Variants in IL17REL observed in about 807,000 individuals in gnomAD.
The protein encoded by IL17REL is interleukin-17 receptor E-like protein.
A neutral mutation model predicts 49.0 loss-of-function variants in IL17REL; 36 were observed. That is an observed-to-expected ratio of 0.73 (90% CI 0.56 to 0.97). The LOEUF (loss-of-function observed/expected upper bound fraction) is 0.97. IL17REL is among the 50% of genes least tolerant of loss of function. The pLI is 0.00. For missense variants in IL17REL, 470 were observed against 453.9 expected (o/e 1.04, Z -0.32); for synonymous variants, 206 against 192.4 (o/e 1.07, Z -0.58).
At chr22:50,001,110 C>T (rs1443206728) in exon 2 of IL17REL, 2 of 1,599,294 alleles carry the variant, frequency 1.3e-6, no homozygotes, top group Non-Finnish European at 1.7e-6. Context: ...CGCGTACACG[C>T]AGGAGCATCG....
chr22:50,004,636 A>AG (rs1259721907), intron 1 of IL17REL, among the ~76,000 whole-genome samples: 34 of 151,390 alleles, frequency 2.2e-4, no homozygotes, highest in East Asian at 1.8e-3. Flanking sequence ...CGAGGAGGGC[A>AG]GATCACCAGA....
In IL17REL at chr22:49,999,798, C is replaced by T. The variant is rs544411243; in HGVS notation, c.474+30G>A. On this transcript the variant is annotated intron_variant, in intron 5 of 12. Transcript: ENST00000341280. ...GCGCGGAGGTGGGCGGGGCCTAAGG[C>T]TGACCGGGGCCCGGGGCGCGGGCGC... 10 of 1,472,630 alleles carry T rather than the reference C, an allele frequency of 6.8e-6. No individual in the cohort carries two copies. The East Asian group carries it at 2.9e-4, about 42-fold the overall frequency. 91.2% of individuals were successfully genotyped at this position (1,472,630 alleles called of 1,614,324 possible). A position where few individuals can be genotyped will look rare whatever the true frequency, so the allele number is the denominator to read the frequency against.
chr22:50,001,570 T>G (rs1275769058), intron 1 of IL17REL, among the ~76,000 whole-genome samples: 2 of 152,216 alleles, frequency 1.3e-5, no homozygotes, highest in African/African-American at 4.8e-5. Context: ...CTGTCGACTC[T>G]GCTCAAAGAC....
rs1163523756 is a variant in IL17REL at position 49,997,800 on chromosome 22, A to ACAGGGG, written c.820-64_820-59dup. On this transcript the variant is annotated intron_variant, in intron 9 of 12. Transcript: ENST00000341280. ...GAGTGTGTGTGAGGCAGGGGCAGGG[A>ACAGGGG]CAGGGGCAGGGACAGGGACAGGCTG... is the stretch of plus-strand genomic sequence containing the variant. 4.8e-5 allele frequency: 74 copies of ACAGGGG among 1,557,878 alleles called. 1 individual carries two copies. In the South Asian group the frequency reaches 7.4e-4, roughly 15 times the overall value.
chr22:49,998,455 C>T lies in IL17REL; in HGVS notation c.602-146G>A, dbSNP rs115244935. ...CTGAGCCCTGGCTCAAGGCTGTGCA[C>T]GTGTGTGCATGGGTGCATGTGCATG... is the stretch of plus-strand genomic sequence containing the variant. On this transcript the variant is annotated intron_variant, in intron 7 of 12. Coordinates refer to ENST00000341280, the Ensembl canonical transcript of IL17REL. 34 of 755,616 alleles carry T rather than the reference C, an allele frequency of 4.5e-5. No homozygotes were observed. The East Asian group carries it at 7.7e-4, about 17-fold the overall frequency. 46.8% of individuals were successfully genotyped at this position (755,616 alleles called of 1,614,324 possible).
At chr22:49,991,902 C>T (rs535257973), downstream of IL17REL, among the ~76,000 whole-genome samples, 44 of 152,088 alleles carry the variant, frequency 2.9e-4, no homozygotes, top group South Asian at 6.2e-4. Context: ...TGAGGTGGTC[C>T]GGGCACAGCT....
rs747592209 is a variant in IL17REL at position 49,997,272 on chromosome 22, G to C, written c.974+48C>G. ...CACAGGGAAGTGATGGGGTCCTGCCGCCACCACCCCCACCTCCCCAGGATG... is the reference window on the plus strand; with the variant it reads ...CACAGGGAAGTGATGGGGTCCTGCCCCCACCACCCCCACCTCCCCAGGATG... On this transcript the variant is annotated intron_variant, in intron 11 of 12. Coordinates refer to ENST00000341280, the Ensembl canonical transcript of IL17REL. 1.9e-6 allele frequency: 3 copies of C among 1,569,924 alleles called. No homozygotes were observed. In the African/African-American group the frequency reaches 4.1e-5, roughly 21 times the overall value.
intron 9 of IL17REL, 52 bp from the exon 12 acceptor site, chr22:49,997,794 G>GCAGGGA (rs765132130): frequency 2.6e-6 from 4 of 1,565,424 alleles, no homozygotes; most frequent in Non-Finnish European, 3.5e-6. Flanking sequence ...TGAGGCAGGG[G>GCAGGGA]CAGGGACAGG....
intron 7 of IL17REL, among the ~76,000 whole-genome samples, chr22:49,998,849 A>G (rs1433780993): frequency 6.8e-6 from 1 of 146,828 alleles, no homozygotes; most frequent in African/African-American, 2.5e-5. Context: ...ATGTGTGTGC[A>G]TGTGTATGGG....
At chr22:50,003,013 G>A (rs1460413738) in intron 1 of IL17REL, among the ~76,000 whole-genome samples, 1 of 152,224 alleles carries the variant, frequency 6.6e-6, no homozygotes, top group Non-Finnish European at 1.5e-5. Flanking sequence ...AGTGTTCTCA[G>A]GCAGTGGTGG....
chr22:50,005,626 AC>A (rs2061105396), intron 1 of IL17REL, among the ~76,000 whole-genome samples: 1 of 151,892 alleles, frequency 6.6e-6, no homozygotes, highest in South Asian at 2.1e-4. Flanking sequence ...ACATGGTGAA[AC>A]CCCGTCTCTG....
chr22:50,011,641 C>G (rs1453431362), upstream of IL17REL, among the ~76,000 whole-genome samples: 1 of 152,116 alleles, frequency 6.6e-6, no homozygotes, highest in Non-Finnish European at 1.5e-5. Context: ...CCCCTCCCAC[C>G]TGAACCCGCC....
intron 2 of IL17REL, 55 bp from the exon 4 acceptor site, chr22:50,000,918 C>T (rs537426227): frequency 4.1e-5 from 56 of 1,381,830 alleles, no homozygotes; most frequent in African/African-American, 2.0e-4. Context: ...CCCCTGGCTC[C>T]GGACGGGGCC....
upstream of IL17REL, among the ~76,000 whole-genome samples, chr22:50,010,629 G>A (rs955278836): frequency 6.6e-6 from 1 of 152,220 alleles, no homozygotes; most frequent in Non-Finnish European, 1.5e-5. Flanking sequence ...GGCGAAGGGC[G>A]TCTGCTCTCT....
At chr22:49,999,927 C>T in exon 5 of IL17REL, 1 of 1,535,376 alleles carries the variant, frequency 6.5e-7, no homozygotes, top group Non-Finnish European at 8.8e-7. Context: ...GCACCAGAAT[C>T]GCCTTGCGCC....
upstream of IL17REL, among the ~76,000 whole-genome samples, chr22:50,010,306 C>A (rs986453216): frequency 6.6e-6 from 1 of 152,346 alleles, no homozygotes; most frequent in African/African-American, 2.4e-5. Flanking sequence ...CTGAGGGCTC[C>A]GCCCAGGCAA....
At chr22:50,000,939 G>T in intron 2 of IL17REL, 76 bp from the exon 4 acceptor site, 1 of 1,312,604 alleles carries the variant, frequency 7.6e-7, no homozygotes, top group Non-Finnish European at 1.0e-6. Context: ...GTGGGACCCT[G>T]TTCCTCTGCC....
chr22:49,996,224 A>T (rs1403358241), exon 13 of IL17REL: 1 of 152,028 alleles, frequency 6.6e-6, no homozygotes, highest in Non-Finnish European at 1.5e-5. Context: ...AGGCTGTCCT[A>T]TCCACCCCCT....
upstream of IL17REL, among the ~76,000 whole-genome samples, chr22:50,011,908 G>A (rs901159908): frequency 2.0e-5 from 3 of 152,202 alleles, no homozygotes; most frequent in Non-Finnish European, 4.4e-5. Flanking sequence ...TGCCAGGAAC[G>A]GTGCACCCAG....
Sources: allele counts gnomAD v4.1 joint callset (sites outside exome capture counted in the v4.1 genomes callset), GRCh38; gene constraint gnomAD v4.1.1; transcripts MANE v1.5; gene names NCBI Gene and HGNC (gene_info 2026-07-23, HGNC 2026-07-21).